ILDR2: variants seen among roughly 807,000 people sequenced by gnomAD.
The protein encoded by ILDR2 is immunoglobulin-like domain-containing receptor 2.
A neutral mutation model predicts 66.8 loss-of-function variants in ILDR2; 25 were observed. The observed-to-expected ratio is 0.37, with a 90% CI of 0.27 to 0.52. The LOEUF (loss-of-function observed/expected upper bound fraction) is 0.52, where lower values mean the gene tolerates loss of function less well. Among genes scored for constraint, ILDR2 ranks in the 20% least tolerant of loss-of-function variants. ILDR2 has a pLI of 0.88. For synonymous variants in ILDR2, 367 were observed against 357.2 expected, an observed-to-expected ratio of 1.03 and a Z score of -0.31; for missense variants, 827 against 876.8, an observed-to-expected ratio of 0.94 and a Z score of 0.72.
rs759511015 is a variant in ILDR2 at position 166,957,952 on chromosome 1, T to C, written c.196A>G (p.Met66Val). The change falls in exon 2 of 10, where the codon ATG becomes GTG. Residue 66 changes from methionine (M) to valine (V), a missense_variant. Coordinates refer to ENST00000271417, the MANE Select transcript of ILDR2 (RefSeq NM_199351.3). ...GAGGACATGCCCAAGGATTCTCCCA[T>C]GCGATCCTGGCAGTAGGACTTGAAC... ...WKFKSYCQDR[M>V]GESLGMSSTR... 6.2e-7 allele frequency: 1 copy of C among 1,614,138 alleles called. No individual in the cohort carries two copies. Among genetic ancestry groups the C allele is most frequent in the Non-Finnish European group, 8.5e-7 (1 of 1,180,024 alleles).
In ILDR2 at chr1:166,922,934, G is replaced by A. The variant is rs1660045489; in HGVS notation, c.995-125C>T. The A allele has an allele frequency of 6.4e-6, 5 of 783,926 alleles. No homozygotes were observed. The South Asian group carries it at 8.0e-5, about 13-fold the overall frequency. 48.6% of individuals were successfully genotyped at this position (783,926 alleles called of 1,614,324 possible). A position where few individuals can be genotyped will look rare whatever the true frequency, so the allele number is the denominator to read the frequency against. ...CTCCTGCCTCATTGCTGTCCAGGGT[G>A]GGTTGTAAGCCTGAACTAGTGGTGT... On this transcript the variant is annotated intron_variant, in intron 7 of 9. Coordinates refer to ENST00000271417, the MANE Select transcript of ILDR2 (RefSeq NM_199351.3).
At chr1:166,932,980 C>T (rs1265112378) in intron 6 of ILDR2, among the ~76,000 whole-genome samples, 1 of 152,178 alleles carries the variant, frequency 6.6e-6, no homozygotes, top group Admixed American at 6.5e-5. Flanking sequence ...ATCACTAACA[C>T]TCCCCATGGG....
rs1197049672 is a variant in ILDR2, at chr1:166,921,557, T to C, written c.1212-178A>G. On this transcript the variant is annotated intron_variant, in intron 8 of 9. Coordinates refer to ENST00000271417, the MANE Select transcript of ILDR2 (RefSeq NM_199351.3). This position sits in a 1 kb window ranked among gnomAD's most constrained non-coding sequence, Gnocchi z 5.3. ...TCCTCTCACACCCCAGAACGTCAAG[T>C]AGGGGCAACCGAGTCTATTCCACTC... is the stretch of plus-strand genomic sequence containing the variant. 1.3e-5 allele frequency among the ~76,000 whole-genome samples: 2 copies of C among 152,128 alleles called. No individual in the cohort carries two copies. The highest frequency in any genetic ancestry group is 4.8e-5 in the African/African-American group (2 of 41,432).
intron 3 of ILDR2, among the ~76,000 whole-genome samples, chr1:166,950,701 G>A (rs1397749501): frequency 6.7e-6 from 1 of 149,096 alleles, no homozygotes; most frequent in East Asian, 2.0e-4. Context: ...TTCAGGCACA[G>A]TATTGTGAAT....
chr1:166,935,646 C>T lies in ILDR2; in HGVS notation c.704-169G>A, dbSNP rs149687026. On this transcript the variant is annotated intron_variant, in intron 5 of 9. Coordinates refer to ENST00000271417, the MANE Select transcript of ILDR2 (RefSeq NM_199351.3). ...CTGATTCATCAGAATCACTCTCCCCCACTCCCTCGGACTCTCCAGCTCCAC... is the reference window on the plus strand; with the variant it reads ...CTGATTCATCAGAATCACTCTCCCCTACTCCCTCGGACTCTCCAGCTCCAC... 5.7e-3 allele frequency among the ~76,000 whole-genome samples: 870 copies of T among 152,302 alleles called. 7 individuals carry two copies. Among genetic ancestry groups the T allele is most frequent in the African/African-American group, 0.02 (811 of 41,548 alleles).
chr1:166,943,787 C>T, intron 3 of ILDR2: 1 of 981,234 alleles, frequency 1.0e-6, no homozygotes, highest in East Asian at 1.1e-4. Flanking sequence ...ACTTGTGAAT[C>T]GCTGTCATTC....
In ILDR2 at chr1:166,932,125, G is replaced by T. The variant is rs1288777542; in HGVS notation, c.880+3176C>A. Among the ~76,000 whole-genome samples, 9 of 152,316 alleles carry T rather than the reference G, an allele frequency of 5.9e-5. No individual in the cohort carries two copies. In the South Asian group the frequency reaches 1.0e-3, roughly 18 times the overall value. On this transcript the variant is annotated intron_variant, in intron 6 of 9. Coordinates refer to ENST00000271417, the MANE Select transcript of ILDR2 (RefSeq NM_199351.3). ...AGAACACCCAGCATACACAGAGATA[G>T]GTAAGAAAAATTACAAAGTACAGTG... is the stretch of plus-strand genomic sequence containing the variant.
chr1:166,934,087 A>C (rs905707195), intron 6 of ILDR2, among the ~76,000 whole-genome samples: 2 of 152,096 alleles, frequency 1.3e-5, no homozygotes, highest in African/African-American at 4.8e-5. Context: ...ATCACCTTCT[A>C]AATCTATAGC....
At chr1:166,919,645 A>T (rs1208307132) in intron 9 of ILDR2, among the ~76,000 whole-genome samples, 1 of 152,228 alleles carries the variant, frequency 6.6e-6, no homozygotes, top group Non-Finnish European at 1.5e-5. Flanking sequence ...CTATGTTTAG[A>T]GCTCCACAAC....
At chr1:166,948,564 A>C (rs996309983) in intron 3 of ILDR2, among the ~76,000 whole-genome samples, 7 of 152,206 alleles carry the variant, frequency 4.6e-5, no homozygotes, top group Non-Finnish European at 8.8e-5. Flanking sequence ...AACAGCAACC[A>C]AAAGATAGCA....
rs1571095168 is a variant in ILDR2 at position 166,919,001 on chromosome 1, T to G, written c.*354A>C. 3 of 408,198 alleles carry G rather than the reference T, an allele frequency of 7.3e-6. No individual in the cohort carries two copies. The East Asian group carries it at 1.1e-4, about 14-fold the overall frequency. The allele number at this position is 408,198 out of a possible 1,614,324, so 25.3% of individuals were successfully genotyped here. On this transcript the variant is annotated 3_prime_UTR_variant, in exon 10 of 10. Transcript: ENST00000271417. ...AAAGCATATTGTAGGCATAGGCAAT[T>G]TCTGGAGTTTAGCAGTCCAGAGCTA...
chr1:166,948,112 G>A (rs1008876443), intron 3 of ILDR2, among the ~76,000 whole-genome samples: 1 of 152,048 alleles, frequency 6.6e-6, no homozygotes, highest in Non-Finnish European at 1.5e-5. Flanking sequence ...ACATACATAG[G>A]TCCCCAGGAA....
At position 166,913,738 on chromosome 1, in the gene ILDR2, G is replaced by C. The variant is rs2101830225; in HGVS notation, c.*5617C>G. The C allele has an allele frequency of 6.6e-6, 1 of 152,330 alleles. No individual in the cohort carries two copies. Among genetic ancestry groups the C allele is most frequent in the African/African-American group, 2.4e-5 (1 of 41,566 alleles). The allele number at this position is 152,330 out of a possible 1,614,324, so 9.4% of individuals were successfully genotyped here. A position where few individuals can be genotyped will look rare whatever the true frequency, so the allele number is the denominator to read the frequency against. Reference sequence around the variant, plus strand: ...TGGAGTTCTGAATCCAGATGAATCTGTCGTTTCATTCAGAAACTTCTCTGC... The same window carrying C: ...TGGAGTTCTGAATCCAGATGAATCTCTCGTTTCATTCAGAAACTTCTCTGC... On this transcript the variant is annotated 3_prime_UTR_variant, in exon 10 of 10. Transcript: ENST00000271417.
At chr1:166,940,681 T>C (rs928819066) in intron 3 of ILDR2, among the ~76,000 whole-genome samples, 2 of 152,256 alleles carry the variant, frequency 1.3e-5, no homozygotes, top group Non-Finnish European at 2.9e-5. Context: ...ATTAATGTGA[T>C]ACTATTTTTA....
chr1:166,926,295 T>A (rs1389207786), intron 7 of ILDR2, among the ~76,000 whole-genome samples: 1 of 152,058 alleles, frequency 6.6e-6, no homozygotes, highest in African/African-American at 2.4e-5. Context: ...TTACCTCCCA[T>A]GATACATAAG....
chr1:166,935,456 G>A lies in ILDR2; in HGVS notation c.725C>T (p.Ala242Val). ...PQALYEAGKAAKAGYPPSVSG... is the reference protein window; with the variant it reads ...PQALYEAGKAVKAGYPPSVSG... ...GACAGAGGGAGGGTACCCGGCCTTT[G>A]CTGCTTTCCCTGCTTCATACACTGT... The change falls in exon 6 of 10, where the codon GCA becomes GTA. Residue 242 changes from alanine (A) to valine (V), a missense_variant. Ala to Val is a moderately conservative substitution (Grantham distance 64, BLOSUM62 0). Around this residue, in one of 2 missense-constraint regions of ILDR2, gnomAD observed 437 missense variants for 523.2 expected, o/e 0.84. Coordinates refer to ENST00000271417, the MANE Select transcript of ILDR2 (RefSeq NM_199351.3). The A allele has an allele frequency of 6.2e-7, 1 of 1,603,396 alleles. No individual in the cohort carries two copies. Among genetic ancestry groups the A allele is most frequent in the Non-Finnish European group, 8.5e-7 (1 of 1,174,906 alleles).
chr1:166,962,925 G>C (rs1256598842), intron 1 of ILDR2, among the ~76,000 whole-genome samples: 1 of 152,086 alleles, frequency 6.6e-6, no homozygotes, highest in Admixed American at 6.6e-5. Flanking sequence ...CCAACTACCA[G>C]TTATGTCTCA....
rs1219811774 is a variant in ILDR2 at position 166,921,238 on chromosome 1, C to T, written c.1353G>A (p.Ala451=). ...AGCGCTCGAAGCGGCTCCCGCCCCG[C>T]GCCTCGTGACTGTTGCCGTCTGCCC... ...PRRADGNSHE[A]RGGSRFERSE... Residue 451 remains alanine (A), a synonymous_variant, in exon 9 of 10, where the codon GCG becomes GCA. Coordinates refer to ENST00000271417, the MANE Select transcript of ILDR2 (RefSeq NM_199351.3). The surrounding 1 kb of genome is among the most constrained non-coding windows in gnomAD (Gnocchi z 5.3). 2.5e-6 allele frequency: 4 copies of T among 1,595,862 alleles called. No homozygotes were observed. The highest frequency in any genetic ancestry group is 1.3e-5 in the African/African-American group (1 of 74,944).
rs1201351795 is a variant in ILDR2, at chr1:166,909,090, C to T, written c.*10265G>A. 1.3e-5 allele frequency: 2 copies of T among 152,202 alleles called. No individual in the cohort carries two copies. Among genetic ancestry groups the T allele is most frequent in the Non-Finnish European group, 2.9e-5 (2 of 68,060 alleles). 9.4% of individuals were successfully genotyped at this position (152,202 alleles called of 1,614,324 possible). A position where few individuals can be genotyped will look rare whatever the true frequency, so the allele number is the denominator to read the frequency against. The stretch of plus-strand genomic sequence containing the variant: ...TCCATCGCAGTCTCACCTTCCTGGT[C>T]ATAAACAGACTTGCCACATCTCTGG... On this transcript the variant is annotated 3_prime_UTR_variant, in exon 10 of 10. Transcript: ENST00000271417.
Sources: gnomAD v4.1 joint callset for allele counts (sites outside exome capture counted in the v4.1 genomes callset) on GRCh38, gnomAD v4.1.1 for gene constraint, gnomAD v4.1.1 regional missense constraint, Gnocchi (gnomAD v3.1) non-coding constraint, MANE v1.5 for transcripts, NCBI Gene and HGNC (gene_info 2026-07-23, HGNC 2026-07-21) for gene names.